KALRN: variants seen among roughly 807,000 people sequenced by gnomAD.
KALRN encodes the protein kalirin.
KALRN carries 70 observed loss-of-function variants against 353.7 expected under a neutral mutation model. The observed-to-expected ratio is 0.20, with a 90% CI of 0.16 to 0.24. The LOEUF (loss-of-function observed/expected upper bound fraction) is 0.24. KALRN is among the 10% of genes least tolerant of loss of function. The probability of loss-of-function intolerance (pLI) is 1.00; values close to 1 mark genes in which losing one functional copy is unlikely to be tolerated. For missense variants in KALRN, 2,791 were observed against 3,756.7 expected, an observed-to-expected ratio of 0.74 and a Z score of 6.72; for synonymous variants, 1,391 against 1,434.8, an observed-to-expected ratio of 0.97 and a Z score of 0.69.
At chr3:124,582,574 C>T (rs893764213) in intron 34 of KALRN, among the ~76,000 whole-genome samples, 1 of 152,102 alleles carries the variant, frequency 6.6e-6, no homozygotes, top group African/African-American at 2.4e-5. Flanking sequence ...AATTCAGTTT[C>T]TTCAAAGGTA....
intron 23 of KALRN, 135 bp from the exon 24 acceptor site, chr3:124,461,755 A>G: frequency 1.6e-6 from 1 of 644,414 alleles, no homozygotes; most frequent in Non-Finnish European, 2.7e-6. Flanking sequence ...TTTTGAAGAA[A>G]GGAAAAGACC....
At chr3:124,338,426 T>C (rs958683376) in intron 9 of KALRN, among the ~76,000 whole-genome samples, 1 of 152,222 alleles carries the variant, frequency 6.6e-6, no homozygotes, top group African/African-American at 2.4e-5. Context: ...GTTGCTCAGT[T>C]CCCATGTAGT....
At chr3:124,686,225 C>T (rs1032809388) in intron 51 of KALRN, among the ~76,000 whole-genome samples, 1 of 152,222 alleles carries the variant, frequency 6.6e-6, no homozygotes. Flanking sequence ...TGCACCCACT[C>T]AGGCACTGGG....
At chr3:124,296,445 CA>C (rs1303130303) in intron 5 of KALRN, among the ~76,000 whole-genome samples, 1 of 152,174 alleles carries the variant, frequency 6.6e-6, no homozygotes, top group Non-Finnish European at 1.5e-5. Flanking sequence ...TCAAATCTGC[CA>C]ATTTCTCAGA....
chr3:124,129,107 TC>T (rs2065003681), intron 1 of KALRN, among the ~76,000 whole-genome samples: 1 of 152,154 alleles, frequency 6.6e-6, no homozygotes, highest in Non-Finnish European at 1.5e-5. Context: ...ATTTGGGTGT[TC>T]CTAAGAAAAT....
Position 124,134,866 on chromosome 3 carries a change from C to CA in KALRN, c.74-93117dup, listed in dbSNP as rs1267332649. Among the ~76,000 whole-genome samples the CA allele has an allele frequency of 1.1e-4, 17 of 152,078 alleles. No individual in the cohort carries two copies. The East Asian group carries it at 2.1e-3, about 19-fold the overall frequency. ...TGCAAGAATGGCCATAATAAGAAAA[C>CA]AAAAAAACAGTAGACATTGGCGTGG... On this transcript the variant is annotated intron_variant, in intron 1 of 59. Coordinates refer to ENST00000682506, the MANE Select transcript of KALRN (RefSeq NM_001388419.1).
At chr3:124,667,271 A>C in intron 47 of KALRN, 88 bp downstream of exon 47, 1 of 1,175,592 alleles carries the variant, frequency 8.5e-7, no homozygotes, top group Non-Finnish European at 1.2e-6. Context: ...ATGTTGAGTT[A>C]TGAACCCAGA....
At chr3:124,591,671 A>G (rs1019241880) in intron 34 of KALRN, among the ~76,000 whole-genome samples, 17 of 151,580 alleles carry the variant, frequency 1.1e-4, no homozygotes, top group African/African-American at 4.1e-4. Context: ...TGCCAGGCAT[A>G]TAAAGTGCTC....
intron 51 of KALRN, among the ~76,000 whole-genome samples, chr3:124,684,747 C>A (rs1440147): frequency 0.59 from 89,629 of 152,082 alleles, 26,622 homozygotes; most frequent in Middle Eastern, 0.68. Context: ...CTTTGGCCAG[C>A]AATTCACTTT....
At chr3:124,559,777 T>C (rs2109800621) in intron 33 of KALRN, among the ~76,000 whole-genome samples, 1 of 152,290 alleles carries the variant, frequency 6.6e-6, no homozygotes, top group East Asian at 1.9e-4. Flanking sequence ...CACCCTCCCT[T>C]GTTGGCCATT....
chr3:124,045,761 G>T (rs1316900479), intron 1 of KALRN, among the ~76,000 whole-genome samples: 7 of 137,952 alleles, frequency 5.1e-5, no homozygotes, highest in African/African-American at 1.4e-4. Flanking sequence ...GGGGGGGGGG[G>T]GTTGCCTGAT....
At chr3:124,199,890 C>T (rs1346633660) in intron 1 of KALRN, among the ~76,000 whole-genome samples, 2 of 152,160 alleles carry the variant, frequency 1.3e-5, no homozygotes, top group African/African-American at 4.8e-5. Context: ...TTTTTAGTAC[C>T]TCTTGTGGGT....
At chr3:124,610,642 G>T (rs775738907) in intron 34 of KALRN, among the ~76,000 whole-genome samples, 1 of 151,776 alleles carries the variant, frequency 6.6e-6, no homozygotes, top group Non-Finnish European at 1.5e-5. Flanking sequence ...CCTGGGGGGG[G>T]CGGCTATCCC....
intron 34 of KALRN, among the ~76,000 whole-genome samples, chr3:124,596,758 G>A (rs939970086): frequency 3.3e-5 from 5 of 152,104 alleles, no homozygotes; most frequent in African/African-American, 1.2e-4. Context: ...TCATTAATAA[G>A]TACATAGGGT....
intron 34 of KALRN, 114 bp downstream of exon 34, chr3:124,563,203 G>C: frequency 8.6e-7 from 1 of 1,165,122 alleles, no homozygotes; most frequent in Non-Finnish European, 1.1e-6. Context: ...TTTTTACCCT[G>C]TGGGGTTTCT....
chr3:124,223,905 G>A (rs2148445275), intron 1 of KALRN, among the ~76,000 whole-genome samples: 2 of 152,298 alleles, frequency 1.3e-5, no homozygotes, highest in Admixed American at 6.5e-5. Flanking sequence ...GCAAAAGTGG[G>A]GCTTGGAGAA....
chr3:124,327,663 A>G (rs887510070), intron 7 of KALRN, among the ~76,000 whole-genome samples: 2 of 152,224 alleles, frequency 1.3e-5, no homozygotes, highest in Admixed American at 6.5e-5. Flanking sequence ...CACACAATCT[A>G]TGAGTAGATA....
At chr3:124,243,876 A>T (rs1368107305) in intron 3 of KALRN, among the ~76,000 whole-genome samples, 2 of 152,224 alleles carry the variant, frequency 1.3e-5, no homozygotes, top group Non-Finnish European at 2.9e-5. Context: ...AACAACTGGC[A>T]GTTTCTTTCC....
chr3:124,646,596 G>A (rs545943380), intron 37 of KALRN, among the ~76,000 whole-genome samples: 1 of 151,430 alleles, frequency 6.6e-6, no homozygotes, highest in African/African-American at 2.4e-5. Flanking sequence ...TCACCATGTT[G>A]GCCAAGCTGG....
Sources: gnomAD v4.1 joint callset for allele counts (sites outside exome capture counted in the v4.1 genomes callset) on GRCh38, gnomAD v4.1.1 for gene constraint, MANE v1.5 for transcripts, NCBI Gene and HGNC (gene_info 2026-07-23, HGNC 2026-07-21) for gene names.